Variants in NLRP2 observed in about 807,000 individuals in gnomAD.
NLRP2 encodes NACHT, LRR and PYD domains-containing protein 2.
Under a neutral mutation model 97.2 loss-of-function variants are expected in NLRP2, and 107 were observed. The ratio of observed to expected loss-of-function variants is 1.10; its 90% CI spans 0.94 to 1.29. The LOEUF is 1.29. NLRP2 is among the 50% of genes most tolerant of loss of function. NLRP2 has a pLI of 0.00. For missense variants in NLRP2, 1,495 were observed against 1,330.3 expected (o/e 1.12, Z -1.93); for synonymous variants, 663 against 551.5 (o/e 1.20, Z -2.83).
At chr19:54,975,111 T>G (rs924224286) in intron 3 of NLRP2, among the ~76,000 whole-genome samples, 270 of 12,776 alleles carry the variant, frequency 0.021, 1 homozygote, top group African/African-American at 0.16. Flanking sequence ...GTTTTGTTTT[T>G]TTTTTTTTTT....
chr19:54,980,804 C>G (rs1047347855), intron 4 of NLRP2, among the ~76,000 whole-genome samples: 7 of 152,178 alleles, frequency 4.6e-5, no homozygotes, highest in Non-Finnish European at 4.4e-5. Context: ...TGGGCCGTAT[C>G]TCCTGGACCA....
At chr19:54,985,703 A>AAG (rs1491358173) in intron 7 of NLRP2, among the ~76,000 whole-genome samples, 1 of 140,178 alleles carries the variant, frequency 7.1e-6, no homozygotes, top group African/African-American at 3.2e-5. Context: ...AAAAAAGAAA[A>AAG]AGAAAAAAAG....
At chr19:54,968,273 C>A (rs895511149) in intron 1 of NLRP2, among the ~76,000 whole-genome samples, 3 of 151,954 alleles carry the variant, frequency 2.0e-5, no homozygotes, top group African/African-American at 7.3e-5. Flanking sequence ...TCTGGAACTT[C>A]TGGACTGGAG....
At position 54,997,360 on chromosome 19, in the gene NLRP2, T is replaced by C. The variant is rs201666813; in HGVS notation, c.2923T>C (p.Cys975Arg). ...SIPPFSCEDL[C>R]SALSCNQSLV... is the part of the protein sequence containing the mutation. ...CCCTCCGTTCAGTTGTGAAGACCTC[T>C]GCTCTGCCCTCAGCTGCAACCAGAG... The change falls in exon 12 of 13, where the codon TGC becomes CGC. Residue 975 changes from cysteine (C) to arginine (R), a missense_variant. Transcript: ENST00000448584. The C allele has an allele frequency of 6.2e-7, 1 of 1,614,160 alleles. No homozygotes were observed. Among genetic ancestry groups the C allele is most frequent in the Admixed American group, 1.7e-5 (1 of 60,024 alleles).
chr19:54,990,458 AGTTGGACCT>A (rs2072394979), intron 9 of NLRP2, 35 bp from the exon 10 acceptor site: 1 of 1,602,366 alleles, frequency 6.2e-7, no homozygotes, highest in Non-Finnish European at 8.6e-7. Context: ...GGAAGGTTGA[AGTTGGACCT>A]GTCAACCGTG....
intron 12 of NLRP2, among the ~76,000 whole-genome samples, chr19:55,000,268 G>GTTTT (rs2073102581): frequency 1.6e-5 from 1 of 62,578 alleles, no homozygotes; most frequent in Non-Finnish European, 2.9e-5. Context: ...CAGAGAGACT[G>GTTTT]TCTTTTTTTT....
chr19:54,992,563 T>TTC (rs2072555602), intron 10 of NLRP2, among the ~76,000 whole-genome samples: 1 of 135,466 alleles, frequency 7.4e-6, no homozygotes, highest in Non-Finnish European at 1.6e-5. Flanking sequence ...TTTCTTTTTT[T>TTC]TTTTTTTTTG....
intron 3 of NLRP2, 151 bp from the exon 4 acceptor site, chr19:54,977,601 T>G (rs2071324257): frequency 3.9e-6 from 3 of 770,202 alleles, no homozygotes; most frequent in Non-Finnish European, 6.9e-6. Context: ...TGGCCTAATG[T>G]ACTTTCACTT....
At chr19:54,994,962 G>T (rs906160819) in intron 11 of NLRP2, among the ~76,000 whole-genome samples, 1 of 151,438 alleles carries the variant, frequency 6.6e-6, no homozygotes, top group African/African-American at 2.4e-5. Context: ...AAATTTTAAG[G>T]ATACAGTGCC....
Position 54,997,348 on chromosome 19 carries a change from T to C in NLRP2, c.2911T>C (p.Cys971Arg). The change falls in exon 12 of 13, where the codon TGT becomes CGT. Residue 971 changes from cysteine (C) to arginine (R), a missense_variant. Cys to Arg is a radical substitution (Grantham distance 180, BLOSUM62 -3). Coordinates refer to ENST00000448584, the MANE Select transcript of NLRP2 (RefSeq NM_017852.5). ...GGGATGTTCCATCCCTCCGTTCAGT[T>C]GTGAAGACCTCTGCTCTGCCCTCAG... ...LWGCSIPPFS[C>R]EDLCSALSCN... is the part of the protein sequence containing the mutation. 6.2e-7 allele frequency: 1 copy of C among 1,614,076 alleles called. No individual in the cohort carries two copies. The highest frequency in any genetic ancestry group is 8.5e-7 in the Non-Finnish European group (1 of 1,180,040).
rs1315857444 is a variant in NLRP2, at chr19:54,975,460, T to A, written c.325+916T>A. Among the ~76,000 whole-genome samples, 9 of 144,392 alleles carry A rather than the reference T, an allele frequency of 6.2e-5. 1 individual carries two copies. Among genetic ancestry groups the A allele is most frequent in the African/African-American group, 2.4e-4 (9 of 37,742 alleles). 94.7% of individuals were successfully genotyped at this position (144,392 alleles called of 152,430 possible). On this transcript the variant is annotated intron_variant, in intron 3 of 12. Transcript: ENST00000448584. ...ATATCCTGAAGATTATTATTATTTTTTTTTTTTTTGAGATAGAGTCTCTCT... is the reference window on the plus strand; with the variant it reads ...ATATCCTGAAGATTATTATTATTTTATTTTTTTTTGAGATAGAGTCTCTCT...
chr19:54,995,084 C>T (rs922043905), intron 11 of NLRP2, among the ~76,000 whole-genome samples: 4 of 149,480 alleles, frequency 2.7e-5, no homozygotes, highest in Admixed American at 6.7e-5. Context: ...GAGGCCGAAG[C>T]GGGCGGATCA....
At chr19:54,969,801 A>C (rs1568462060) in intron 1 of NLRP2, among the ~76,000 whole-genome samples, 198 bp from the exon 2 acceptor site, 1 of 152,196 alleles carries the variant, frequency 6.6e-6, no homozygotes, top group Non-Finnish European at 1.5e-5. Flanking sequence ...CTGGGACTAC[A>C]GGCATGTACC....
chr19:54,967,283 G>A (rs369441279), intron 1 of NLRP2, among the ~76,000 whole-genome samples: 314 of 152,232 alleles, frequency 2.1e-3, no homozygotes, highest in Middle Eastern at 0.01. Flanking sequence ...GGGAGTTCGA[G>A]ACCAGCCTGA....
chr19:54,979,325 C>G (rs1036796349), intron 4 of NLRP2, among the ~76,000 whole-genome samples: 2 of 151,792 alleles, frequency 1.3e-5, no homozygotes, highest in Admixed American at 6.6e-5. Flanking sequence ...TCCACATTCC[C>G]TCTTATCTTC....
At chr19:54,984,055 TG>T (rs2071853462) in intron 6 of NLRP2, among the ~76,000 whole-genome samples, 1 of 152,134 alleles carries the variant, frequency 6.6e-6, no homozygotes, top group Non-Finnish European at 1.5e-5. Flanking sequence ...CTCAGCATGT[TG>T]GCCAGTCTGG....
rs191166395 is a variant in NLRP2 at position 54,979,138 on chromosome 19, C to G, written c.397+1315C>G. On this transcript the variant is annotated intron_variant, in intron 4 of 12. Transcript: ENST00000448584. ...GTGCTGGGACTATAGGTGCCCACCACTATGCCTGGCTAACTTTTGTGTTTT... is the reference window on the plus strand; with the variant it reads ...GTGCTGGGACTATAGGTGCCCACCAGTATGCCTGGCTAACTTTTGTGTTTT... Among the ~76,000 whole-genome samples the G allele has an allele frequency of 2.0e-5, 3 of 152,040 alleles. No homozygotes were observed. In the East Asian group the frequency reaches 5.9e-4, roughly 30 times the overall value.
chr19:54,981,691 C>A lies in NLRP2; in HGVS notation c.463+9C>A. On this transcript the variant is annotated intron_variant, in intron 5 of 12. Transcript: ENST00000448584. ...TAAAGGAAAAAAGCCAGGTCTGTAC[C>A]ATATCTTCCTGCAGGGAGCTTGGGA... 6.9e-7 allele frequency: 1 copy of A among 1,454,486 alleles called. No homozygotes were observed. Among genetic ancestry groups the A allele is most frequent in the South Asian group, 1.1e-5 (1 of 87,826 alleles). The allele number at this position is 1,454,486 out of a possible 1,614,324, so 90.1% of individuals were successfully genotyped here.
intron 10 of NLRP2, 162 bp from the exon 11 acceptor site, chr19:54,994,107 A>AG: frequency 2.6e-6 from 2 of 773,194 alleles, no homozygotes; most frequent in Non-Finnish European, 4.5e-6. Flanking sequence ...GGACATCTTT[A>AG]GGGGAGGCCA....
Sources: gnomAD v4.1 joint callset for allele counts (sites outside exome capture counted in the v4.1 genomes callset) on GRCh38, gnomAD v4.1.1 for gene constraint, MANE v1.5 for transcripts, NCBI Gene and HGNC (gene_info 2026-07-23, HGNC 2026-07-21) for gene names.